The following KICS2 variants were observed in gnomAD, a reference collection of about 807,000 sequenced individuals.
KICS2 encodes KICSTOR subunit 2, also known as KICSTOR complex protein C12orf66.
A neutral mutation model predicts 31.4 loss-of-function variants in KICS2; 13 were observed. That is an observed-to-expected ratio of 0.41 (90% CI 0.27 to 0.66). The LOEUF (loss-of-function observed/expected upper bound fraction) is 0.66. KICS2 is among the 30% of genes least tolerant of loss of function. KICS2 has a pLI of 0.28. For missense variants in KICS2, 455 were observed against 545.4 expected (o/e 0.83, Z 1.65); for synonymous variants, 209 against 214.8 (o/e 0.97, Z 0.24).
chr12:64,215,793 G>C lies in KICS2; in HGVS notation c.406C>G (p.Arg136Gly), dbSNP rs369744797. The change falls in exon 2 of 3, where the codon CGG becomes GGG. Residue 136 changes from arginine (R) to glycine (G), a missense_variant. By Grantham distance (125) the Arg-to-Gly change is moderately radical. Transcript: ENST00000398055. ...SEQLCFFVQARMEIADFYEKM... is the reference protein window; with the variant it reads ...SEQLCFFVQAGMEIADFYEKM... ...TCATAGAAGTCTGCTATCTCCATCC[G>C]AGCCTGAACAAAGAAGCAGAGCTGC... 1 of 1,613,996 alleles carries C rather than the reference G, an allele frequency of 6.2e-7. No homozygotes were observed. The highest frequency in any genetic ancestry group is 1.1e-5 in the South Asian group (1 of 91,058).
At chr12:64,190,441 A>G (rs2037370085), downstream of KICS2, among the ~76,000 whole-genome samples, 1 of 152,174 alleles carries the variant, frequency 6.6e-6, no homozygotes. Context: ...ATTCCCTGGG[A>G]AAGTAGTGAA....
chr12:64,216,267 C>A (rs886095500), intron 1 of KICS2, among the ~76,000 whole-genome samples: 2 of 152,014 alleles, frequency 1.3e-5, no homozygotes, highest in African/African-American at 4.8e-5. Flanking sequence ...AATTTGCTTA[C>A]CCATGTACCA....
At chr12:64,186,988 T>C (rs1263307871), downstream of KICS2, 2 of 152,286 alleles carry the variant, frequency 1.3e-5, no homozygotes, top group Non-Finnish European at 1.5e-5. Flanking sequence ...TGCCCTACAT[T>C]GTCGTATCTT....
chr12:64,195,229 T>C (rs983578433), intron 2 of KICS2, among the ~76,000 whole-genome samples: 4 of 152,236 alleles, frequency 2.6e-5, no homozygotes, highest in African/African-American at 9.6e-5. Context: ...TTAGGTATAA[T>C]TCTTTCTGAG....
chr12:64,206,724 C>A (rs1338736803), intron 2 of KICS2, among the ~76,000 whole-genome samples: 1 of 152,150 alleles, frequency 6.6e-6, no homozygotes, highest in Non-Finnish European at 1.5e-5. Flanking sequence ...AGAAGGAAAT[C>A]TTGTCACATG....
chr12:64,211,177 A>C (rs145532517), intron 2 of KICS2, among the ~76,000 whole-genome samples: 2,093 of 152,336 alleles, frequency 0.014, 52 homozygotes, highest in African/African-American at 0.047. Flanking sequence ...TGGGGTTTCA[A>C]AAAACTATGT....
At chr12:64,187,691 A>C (rs1286092358), downstream of KICS2, 1 of 1,513,706 alleles carries the variant, frequency 6.6e-7, no homozygotes, top group South Asian at 1.2e-5. Context: ...AAATTAAATT[A>C]AACCTACAGG....
intron 2 of KICS2, 28 bp downstream of exon 2, chr12:64,215,650 T>C: frequency 6.3e-7 from 1 of 1,588,062 alleles, no homozygotes; most frequent in Non-Finnish European, 8.6e-7. Context: ...ACAGCCACGC[T>C]TTCTCCCTCC....
chr12:64,221,823 G>A (rs1039540909), intron 1 of KICS2, 180 bp downstream of exon 1: 4 of 709,346 alleles, frequency 5.6e-6, no homozygotes, highest in Admixed American at 5.9e-5. Context: ...AGCGCAGGCC[G>A]GTGGGCGGGG....
chr12:64,201,667 A>G (rs2037491414), intron 2 of KICS2, among the ~76,000 whole-genome samples: 2 of 151,666 alleles, frequency 1.3e-5, no homozygotes, highest in South Asian at 4.2e-4. Context: ...ACATGGTGAA[A>G]TCCCAACCTT....
chr12:64,216,608 TA>T (rs1286323156), intron 1 of KICS2, among the ~76,000 whole-genome samples: 2 of 152,194 alleles, frequency 1.3e-5, no homozygotes. Context: ...AGGTTGACAC[TA>T]TATGTTATAA....
chr12:64,211,431 C>G (rs931116396), intron 2 of KICS2, among the ~76,000 whole-genome samples: 1 of 152,086 alleles, frequency 6.6e-6, no homozygotes, highest in Non-Finnish European at 1.5e-5. Context: ...GCCTGACCAA[C>G]ATGGTGAAAC....
rs374655900 is a variant in KICS2, at chr12:64,215,848, G to C, written c.351C>G (p.His117Gln). The stretch of plus-strand genomic sequence containing the variant: ...ACAGGTGGGAAAGGAGTTCTTCCAC[G>C]TGAGGAGCAGTCCCACCCAGGGCAC... ...GRGALGGTAP[H>Q]VEELLSHLSE... The change falls in exon 2 of 3, where the codon CAC (histidine) becomes CAG (glutamine). Residue 117 changes from histidine to glutamine, a missense_variant. Physicochemically the swap from His to Gln is conservative, Grantham distance 24. Coordinates refer to ENST00000398055, the MANE Select transcript of KICS2 (RefSeq NM_152440.5). 7 of 1,613,808 alleles carry C rather than the reference G, an allele frequency of 4.3e-6. No individual in the cohort carries two copies. Among genetic ancestry groups the C allele is most frequent in the Non-Finnish European group, 5.9e-6 (7 of 1,179,930 alleles).
At chr12:64,199,492 T>C (rs1437155525) in intron 2 of KICS2, among the ~76,000 whole-genome samples, 1 of 85,790 alleles carries the variant, frequency 1.2e-5, no homozygotes. Context: ...CCACAGCCAA[T>C]ATCATACTGA....
At chr12:64,201,605 TAAA>T (rs531373424) in intron 2 of KICS2, among the ~76,000 whole-genome samples, 3 of 115,650 alleles carry the variant, frequency 2.6e-5, no homozygotes, top group African/African-American at 1.1e-4. Flanking sequence ...TAAAGTATAA[TAAA>T]AAAAAAAAAA....
At chr12:64,217,468 G>A (rs1372040353) in intron 1 of KICS2, among the ~76,000 whole-genome samples, 6 of 150,620 alleles carry the variant, frequency 4.0e-5, no homozygotes, top group Non-Finnish European at 8.9e-5. Flanking sequence ...TAGCTGATGA[G>A]GAAAAAAAAA....
chr12:64,208,491 C>A (rs1358114641), intron 2 of KICS2, among the ~76,000 whole-genome samples: 1 of 152,192 alleles, frequency 6.6e-6, no homozygotes, highest in Non-Finnish European at 1.5e-5. Context: ...AGAAATTGCA[C>A]TACTACTAGT....
At chr12:64,208,658 A>G (rs778576803) in intron 2 of KICS2, among the ~76,000 whole-genome samples, 5 of 152,240 alleles carry the variant, frequency 3.3e-5, no homozygotes, top group Non-Finnish European at 7.3e-5. Flanking sequence ...CTTTCGTGAG[A>G]AATTTGTGAA....
Position 64,222,281 on chromosome 12 carries a change from C to T in KICS2, c.-44G>A. On this transcript the variant is annotated 5_prime_UTR_variant, in exon 1 of 3. Coordinates refer to ENST00000398055, the MANE Select transcript of KICS2 (RefSeq NM_152440.5). ...CGACCCACGTGGCTCTCCTCGGCCT[C>T]GCACTTCCGGGTTCTGAGGGAACGG... 2 of 1,600,402 alleles carry T rather than the reference C, an allele frequency of 1.2e-6. No individual in the cohort carries two copies. Among genetic ancestry groups the T allele is most frequent in the Non-Finnish European group, 8.5e-7 (1 of 1,173,604 alleles).
Sources: gnomAD v4.1 joint callset for allele counts (sites outside exome capture counted in the v4.1 genomes callset) on GRCh38, gnomAD v4.1.1 for gene constraint, MANE v1.5 for transcripts, NCBI Gene and HGNC (gene_info 2026-07-23, HGNC 2026-07-21) for gene names.